Variants in AGBL4 observed in about 807,000 individuals in gnomAD.
The protein encoded by AGBL4 is cytosolic carboxypeptidase 6.
AGBL4 carries 58 observed loss-of-function variants against 66.4 expected under a neutral mutation model. That is an observed-to-expected ratio of 0.87 (90% CI 0.71 to 1.09). AGBL4 has a LOEUF of 1.09. Ranked by LOEUF, AGBL4 falls within the 50% of genes least tolerant of loss-of-function variation. The pLI is 0.00. For synonymous variants in AGBL4, 234 were observed against 222.9 expected, an observed-to-expected ratio of 1.05 and a Z score of -0.44; for missense variants, 579 against 631.0, an observed-to-expected ratio of 0.92 and a Z score of 0.88.
chr1:49,927,856 G>A (rs1373880760), intron 1 of AGBL4, among the ~76,000 whole-genome samples: 2 of 152,128 alleles, frequency 1.3e-5, no homozygotes, highest in Admixed American at 6.5e-5. Context: ...AGAAAATGCT[G>A]CCAATAATTA....
At chr1:49,135,298 A>G (rs1049047649) in intron 4 of AGBL4, among the ~76,000 whole-genome samples, 1 of 152,154 alleles carries the variant, frequency 6.6e-6, no homozygotes, top group Non-Finnish European at 1.5e-5. Flanking sequence ...AACAGCAAAA[A>G]CCCAGAGTAT....
chr1:48,778,666 T>A (rs1252715874), intron 6 of AGBL4, among the ~76,000 whole-genome samples: 1 of 152,232 alleles, frequency 6.6e-6, no homozygotes, highest in African/African-American at 2.4e-5. Flanking sequence ...TGTGTGTGTG[T>A]GTGTGTATGT....
chr1:49,210,354 T>G (rs1570079560), intron 4 of AGBL4, among the ~76,000 whole-genome samples: 1 of 152,138 alleles, frequency 6.6e-6, no homozygotes, highest in East Asian at 1.9e-4. Flanking sequence ...ACTCTTAAGC[T>G]TCTGATTGCT....
At chr1:49,355,482 T>G (rs968402923) in intron 3 of AGBL4, among the ~76,000 whole-genome samples, 1 of 152,146 alleles carries the variant, frequency 6.6e-6, no homozygotes, top group South Asian at 2.1e-4. Flanking sequence ...TGAACTATTA[T>G]ACAAACCTAA....
Position 49,835,023 on chromosome 1 carries a change from T to C in AGBL4, c.157+16373A>G, listed in dbSNP as rs766068880. On this transcript the variant is annotated intron_variant, in intron 2 of 13. Transcript: ENST00000371839. ...GGTCAATTTTATAACAAGTGTGATA[T>C]GGTGCTGAGAAGAATGTATATTCTA... Among the ~76,000 whole-genome samples, 4 of 152,208 alleles carry C rather than the reference T, an allele frequency of 2.6e-5. 1 individual carries two copies. The highest frequency in any genetic ancestry group is 4.1e-4 in the South Asian group (2 of 4,832).
intron 4 of AGBL4, among the ~76,000 whole-genome samples, chr1:49,222,462 A>G (rs1455684684): frequency 6.6e-6 from 1 of 152,216 alleles, no homozygotes; most frequent in Non-Finnish European, 1.5e-5. Flanking sequence ...CGTTCTGCAT[A>G]TAAAATTTAC....
chr1:48,849,555 C>A (rs1046318712), intron 6 of AGBL4, among the ~76,000 whole-genome samples: 1 of 152,240 alleles, frequency 6.6e-6, no homozygotes, highest in Non-Finnish European at 1.5e-5. Context: ...GCTACCTCTC[C>A]TTTGCTTCTT....
intron 6 of AGBL4, among the ~76,000 whole-genome samples, chr1:48,707,896 T>G (rs780760950): frequency 2.0e-5 from 3 of 152,172 alleles, no homozygotes; most frequent in Non-Finnish European, 4.4e-5. Flanking sequence ...ATAAATATTT[T>G]ACTTTGTGAC....
chr1:49,878,062 T>C (rs1647078155), intron 1 of AGBL4, among the ~76,000 whole-genome samples: 1 of 151,772 alleles, frequency 6.6e-6, no homozygotes, highest in Admixed American at 6.6e-5. Flanking sequence ...TCTTCTTTAT[T>C]AGTCTTGCTA....
At chr1:49,916,128 T>C (rs1387824600) in intron 1 of AGBL4, among the ~76,000 whole-genome samples, 1 of 151,894 alleles carries the variant, frequency 6.6e-6, no homozygotes, top group African/African-American at 2.4e-5. Flanking sequence ...ACCACAAAGA[T>C]GGGGAAAAAA....
intron 5 of AGBL4, among the ~76,000 whole-genome samples, chr1:49,002,910 T>C (rs188911517): frequency 6.6e-6 from 1 of 152,290 alleles, no homozygotes; most frequent in East Asian, 1.9e-4. Context: ...TGCAGGGTTG[T>C]GTATAGACCA....
At chr1:49,345,891 G>A (rs1645625031) in intron 3 of AGBL4, among the ~76,000 whole-genome samples, 1 of 152,132 alleles carries the variant, frequency 6.6e-6, no homozygotes, top group African/African-American at 2.4e-5. Context: ...CCAAGGCTTT[G>A]ACTGGAATTG....
intron 3 of AGBL4, among the ~76,000 whole-genome samples, chr1:49,271,689 A>G (rs554394100): frequency 1.1e-3 from 160 of 152,172 alleles, no homozygotes; most frequent in African/African-American, 3.7e-3. Flanking sequence ...AAAATATTCT[A>G]CCATTTACTT....
intron 2 of AGBL4, among the ~76,000 whole-genome samples, chr1:49,817,401 T>C (rs1438857363): frequency 1.3e-5 from 2 of 152,174 alleles, no homozygotes; most frequent in African/African-American, 4.8e-5. Context: ...GAGTTAAAAA[T>C]ATTGTCTGTT....
At chr1:49,235,293 T>C (rs1454138251) in intron 4 of AGBL4, among the ~76,000 whole-genome samples, 1 of 152,204 alleles carries the variant, frequency 6.6e-6, no homozygotes, top group Admixed American at 6.5e-5. Context: ...AGCAGCACAA[T>C]AGCACAATCT....
intron 5 of AGBL4, among the ~76,000 whole-genome samples, chr1:48,902,685 C>T (rs950083237): frequency 6.6e-6 from 1 of 152,042 alleles, no homozygotes; most frequent in African/African-American, 2.4e-5. Context: ...TTATCACATC[C>T]CTGGTTTAGA....
Position 49,800,505 on chromosome 1 carries a change from T to C in AGBL4, c.157+50891A>G, listed in dbSNP as rs1172227387. Among the ~76,000 whole-genome samples, 14 of 106,654 alleles carry C rather than the reference T, an allele frequency of 1.3e-4. No homozygotes were observed. In the South Asian group the frequency reaches 3.3e-3, roughly 25 times the overall value. The allele number at this position is 106,654 out of a possible 152,430, so 70.0% of individuals were successfully genotyped here. On this transcript the variant is annotated intron_variant, in intron 2 of 13. Transcript: ENST00000371839. ...GCATTAGGTATATCTCCCAATGCTATCCCTCCCCCCTCCCCCCACCCCACA... is the reference window on the plus strand; with the variant it reads ...GCATTAGGTATATCTCCCAATGCTACCCCTCCCCCCTCCCCCCACCCCACA...
At chr1:49,029,496 T>C (rs1050636203) in intron 5 of AGBL4, among the ~76,000 whole-genome samples, 1 of 152,142 alleles carries the variant, frequency 6.6e-6, no homozygotes. Context: ...AAACCTTGCT[T>C]ATACTGAAAT....
intron 1 of AGBL4, among the ~76,000 whole-genome samples, chr1:50,022,424 A>C (rs1434831215): frequency 6.6e-6 from 1 of 152,192 alleles, no homozygotes; most frequent in Non-Finnish European, 1.5e-5. Context: ...GAATAAAGGA[A>C]TAAGCCTGTT....
Sources: gnomAD v4.1 joint callset for allele counts (sites outside exome capture counted in the v4.1 genomes callset) on GRCh38, gnomAD v4.1.1 for gene constraint, MANE v1.5 for transcripts, NCBI Gene and HGNC (gene_info 2026-07-23, HGNC 2026-07-21) for gene names.